Variants in VOPP1 observed in about 807,000 individuals in gnomAD.
The protein encoded by VOPP1 is WW domain binding protein VOPP1.
Under a neutral mutation model 23.5 loss-of-function variants are expected in VOPP1, and 8 were observed. That is an observed-to-expected ratio of 0.34 (90% confidence interval 0.20 to 0.61). The LOEUF (loss-of-function observed/expected upper bound fraction) is 0.61. Among genes scored for constraint, VOPP1 ranks in the 20% least tolerant of loss-of-function variants. The probability of loss-of-function intolerance (pLI) is 0.78; values close to 1 mark genes in which losing one functional copy is unlikely to be tolerated. For synonymous variants in VOPP1, 83 were observed against 97.3 expected (o/e 0.85, Z 0.86); for missense variants, 174 against 238.1 (o/e 0.73, Z 1.77).
intron 3 of VOPP1, among the ~76,000 whole-genome samples, chr7:55,496,125 T>C (rs992333153): frequency 4.6e-5 from 7 of 152,238 alleles, no homozygotes; most frequent in Non-Finnish European, 7.3e-5. Flanking sequence ...TTCTCTTCTT[T>C]TTGATCATCC....
intron 4 of VOPP1, 75 bp from the exon 5 acceptor site, chr7:55,473,120 G>A (rs1051357369): frequency 5.2e-6 from 8 of 1,536,222 alleles, no homozygotes; most frequent in Middle Eastern, 1.7e-4. Flanking sequence ...AGGCTGCAGG[G>A]CCAGCAGACC....
chr7:55,449,186 G>T (rs951634123), intron 4 of VOPP1, among the ~76,000 whole-genome samples: 2 of 152,208 alleles, frequency 1.3e-5, no homozygotes, highest in African/African-American at 4.8e-5. Context: ...GTCCGCTCCC[G>T]GAGCGCCGCG....
intron 1 of VOPP1, among the ~76,000 whole-genome samples, chr7:55,536,671 C>T (rs1796811122): frequency 6.6e-6 from 1 of 152,134 alleles, no homozygotes; most frequent in South Asian, 2.1e-4. Context: ...GAGGGCAGAG[C>T]ACATGGCACG....
At chr7:55,531,475 A>C (rs922595120) in intron 1 of VOPP1, among the ~76,000 whole-genome samples, 2 of 150,606 alleles carry the variant, frequency 1.3e-5, no homozygotes, top group African/African-American at 4.9e-5. Context: ...CCAGCCTCCC[A>C]AGTAGCTGGG....
intron 4 of VOPP1, among the ~76,000 whole-genome samples, chr7:55,475,688 T>G (rs1378181251): frequency 6.6e-6 from 1 of 152,174 alleles, no homozygotes; most frequent in Non-Finnish European, 1.5e-5. Context: ...GGTTTGTGGT[T>G]GATGGTTGGG....
intron 4 of VOPP1, among the ~76,000 whole-genome samples, chr7:55,462,019 T>C (rs1791512735): frequency 6.6e-6 from 1 of 152,238 alleles, no homozygotes; most frequent in Non-Finnish European, 1.5e-5. Context: ...CTCGTAGGGC[T>C]GGTATAGTGG....
intron 4 of VOPP1, 136 bp from the exon 5 acceptor site, chr7:55,473,181 G>C (rs903023912): frequency 6.7e-6 from 9 of 1,351,558 alleles, no homozygotes; most frequent in Middle Eastern, 4.1e-4. Context: ...AACATGCCCG[G>C]TGAGGGGGCA....
intron 1 of VOPP1, chr7:55,552,825 T>A: frequency 6.9e-7 from 1 of 1,452,666 alleles, no homozygotes; most frequent in Non-Finnish European, 9.0e-7. Flanking sequence ...TCAGCCATGC[T>A]CAACCCAGAA....
At chr7:55,455,187 T>C (rs1467182066) in intron 4 of VOPP1, among the ~76,000 whole-genome samples, 1 of 152,166 alleles carries the variant, frequency 6.6e-6, no homozygotes, top group Non-Finnish European at 1.5e-5. Context: ...AGCCATATCA[T>C]GAGTGAACTC....
chr7:55,497,473 A>G, intron 3 of VOPP1, 140 bp downstream of exon 3: 1 of 715,550 alleles, frequency 1.4e-6, no homozygotes, highest in Non-Finnish European at 2.4e-6. Context: ...CAACCCAAAC[A>G]TACCCATTTT....
intron 4 of VOPP1, among the ~76,000 whole-genome samples, chr7:55,484,851 T>C (rs1793012464): frequency 6.6e-6 from 1 of 152,158 alleles, no homozygotes; most frequent in Admixed American, 6.5e-5. Context: ...GGAAGACACG[T>C]TCTTGCTGTT....
intron 1 of VOPP1, among the ~76,000 whole-genome samples, chr7:55,529,513 T>C (rs1796380218): frequency 6.6e-6 from 1 of 152,122 alleles, no homozygotes. Flanking sequence ...TTTTAAAACA[T>C]AATTATCAAT....
intron 4 of VOPP1, among the ~76,000 whole-genome samples, chr7:55,462,347 T>C (rs936860537): frequency 1.3e-5 from 2 of 152,212 alleles, no homozygotes; most frequent in Admixed American, 1.3e-4. Context: ...TTTTTCGGGT[T>C]CAATCTATTT....
chr7:55,437,877 T>G (rs1790869493), intron 4 of VOPP1, among the ~76,000 whole-genome samples: 1 of 151,230 alleles, frequency 6.6e-6, no homozygotes, highest in South Asian at 2.1e-4. Context: ...AGTGTATCTT[T>G]TATATAGTAT....
At chr7:55,466,636 A>T (rs1791638597), downstream of VOPP1, among the ~76,000 whole-genome samples, 1 of 152,146 alleles carries the variant, frequency 6.6e-6, no homozygotes, top group Non-Finnish European at 1.5e-5. Context: ...GGAGCCCCAG[A>T]CTATGAACAT....
chr7:55,489,292 G>A (rs1793382652), intron 4 of VOPP1, among the ~76,000 whole-genome samples: 1 of 152,194 alleles, frequency 6.6e-6, no homozygotes, highest in African/African-American at 2.4e-5. Context: ...AGGCCTGCAA[G>A]AAGTATAAAA....
intron 2 of VOPP1, among the ~76,000 whole-genome samples, chr7:55,506,101 C>G (rs540174754): frequency 6.6e-6 from 1 of 152,182 alleles, no homozygotes; most frequent in Non-Finnish European, 1.5e-5. Flanking sequence ...ACTGTCCTGA[C>G]AAGCCCACCT....
chr7:55,530,802 G>C (rs1182243175), intron 1 of VOPP1: 1 of 152,188 alleles, frequency 6.6e-6, no homozygotes, highest in Non-Finnish European at 1.5e-5. Context: ...TGAGTTATTA[G>C]GAATTCTACC....
In VOPP1 at chr7:55,505,195, C is replaced by T. The variant is rs116491118; in HGVS notation, c.114-7505G>A. Among the ~76,000 whole-genome samples, 642 of 152,300 alleles carry T rather than the reference C, an allele frequency of 4.2e-3. 3 individuals carry two copies. Among genetic ancestry groups the T allele is most frequent in the African/African-American group, 0.014 (590 of 41,550 alleles). ...GAAGGCCACCCAGGCAACTTTGCTC[C>T]TCCTCTCTGTGACAATCACACACAT... On this transcript the variant is annotated intron_variant, in intron 2 of 4. Coordinates refer to ENST00000285279, the MANE Select transcript of VOPP1 (RefSeq NM_030796.5).
Sources: gnomAD v4.1 joint callset for allele counts (sites outside exome capture counted in the v4.1 genomes callset) on GRCh38, gnomAD v4.1.1 for gene constraint, MANE v1.5 for transcripts, NCBI Gene and HGNC (gene_info 2026-07-23, HGNC 2026-07-21) for gene names.